The following SLC71A2 variants were observed in gnomAD, a reference collection of about 807,000 sequenced individuals.
SLC71A2 encodes solute carrier family 71 member 2.
chr9:94,449,361 G>A, the SLC71A2 span, among the ~76,000 whole-genome samples: 7 of 152,144 alleles, frequency 4.6e-5, no homozygotes, highest in African/African-American at 1.2e-4. Flanking sequence ...AATACATGTA[G>A]AACTCTTATA....
chr9:94,402,560 T>C, the SLC71A2 span, among the ~76,000 whole-genome samples: 9 of 152,222 alleles, frequency 5.9e-5, no homozygotes, highest in Non-Finnish European at 1.3e-4. Context: ...TGGGTTGTTG[T>C]ATTAGTGACT....
chr9:94,392,809 T>C, the SLC71A2 span, among the ~76,000 whole-genome samples: 1 of 151,408 alleles, frequency 6.6e-6, no homozygotes, highest in Non-Finnish European at 1.5e-5. Context: ...TAAAAGCAAT[T>C]TTAAGTTAAG....
chr9:94,425,532 G>C, the SLC71A2 span, among the ~76,000 whole-genome samples: 1 of 152,150 alleles, frequency 6.6e-6, no homozygotes, highest in South Asian at 2.1e-4. Context: ...TTCTTGAGTT[G>C]AGTCAGTTCC....
chr9:94,392,142 T>G, the SLC71A2 span, among the ~76,000 whole-genome samples: 1 of 150,886 alleles, frequency 6.6e-6, no homozygotes, highest in South Asian at 2.1e-4. Flanking sequence ...AGTTGTAGTG[T>G]CAACTGAGCC....
the SLC71A2 span, among the ~76,000 whole-genome samples, chr9:94,442,444 A>G: frequency 1.3e-5 from 2 of 152,024 alleles, no homozygotes; most frequent in African/African-American, 4.8e-5. Flanking sequence ...TGTCCCTCTC[A>G]TGTCATGCCC....
the SLC71A2 span, among the ~76,000 whole-genome samples, chr9:94,427,435 C>T: frequency 1.4e-4 from 21 of 151,642 alleles, no homozygotes; most frequent in Admixed American, 1.3e-3. Flanking sequence ...GTGTGCAACT[C>T]ATTAAGTATG....
the SLC71A2 span, among the ~76,000 whole-genome samples, chr9:94,381,690 G>T: frequency 6.6e-6 from 1 of 152,188 alleles, no homozygotes; most frequent in Non-Finnish European, 1.5e-5. Flanking sequence ...GAAACTGTTG[G>T]CTGGGCATGG....
At chr9:94,433,725 C>T in the SLC71A2 span, among the ~76,000 whole-genome samples, 1 of 152,176 alleles carries the variant, frequency 6.6e-6, no homozygotes, top group Non-Finnish European at 1.5e-5. Context: ...TCCCAATTTG[C>T]CACTCTTTTG....
the SLC71A2 span, among the ~76,000 whole-genome samples, chr9:94,407,214 CATTG>C: frequency 1.3e-5 from 2 of 151,278 alleles, no homozygotes; most frequent in African/African-American, 2.4e-5. Flanking sequence ...TGTTGTATTA[CATTG>C]ATTGGTTTTC....
the SLC71A2 span, among the ~76,000 whole-genome samples, chr9:94,406,780 T>C: frequency 2.0e-5 from 3 of 152,302 alleles, no homozygotes; most frequent in African/African-American, 4.8e-5. Flanking sequence ...TTAAATTCAT[T>C]TATTAGTTGT....
At chr9:94,389,271 G>GT in the SLC71A2 span, among the ~76,000 whole-genome samples, 33,979 of 143,868 alleles carry the variant, frequency 0.24, 4,596 homozygotes, top group African/African-American at 0.4. Context: ...CTTAATTCTG[G>GT]TTTTTTTTTT....
At chr9:94,436,350 G>T in the SLC71A2 span, among the ~76,000 whole-genome samples, 1 of 152,106 alleles carries the variant, frequency 6.6e-6, no homozygotes, top group Non-Finnish European at 1.5e-5. Context: ...GTCTACTGGG[G>T]TTACTTAACT....
At chr9:94,441,252 T>A in the SLC71A2 span, among the ~76,000 whole-genome samples, 1 of 152,186 alleles carries the variant, frequency 6.6e-6, no homozygotes, top group African/African-American at 2.4e-5. Flanking sequence ...GGTTTAATTG[T>A]CTCACAGTTC....
the SLC71A2 span, chr9:94,459,085 T>TGG: frequency 6.8e-7 from 1 of 1,459,888 alleles, no homozygotes; most frequent in Non-Finnish European, 9.4e-7. Context: ...GTGTTTTTTT[T>TGG]GGGTAATCTA....
chr9:94,435,337 C>T, the SLC71A2 span, among the ~76,000 whole-genome samples: 2 of 152,208 alleles, frequency 1.3e-5, no homozygotes, highest in Non-Finnish European at 2.9e-5. Flanking sequence ...TTCTCGTATA[C>T]TCTACCTCCT....
At chr9:94,426,917 C>T in the SLC71A2 span, among the ~76,000 whole-genome samples, 1 of 152,198 alleles carries the variant, frequency 6.6e-6, no homozygotes, top group African/African-American at 2.4e-5. Context: ...TCACTGCAGA[C>T]TTGATCTTCC....
At chr9:94,429,062 A>G in the SLC71A2 span, 1 of 1,381,980 alleles carries the variant, frequency 7.2e-7, no homozygotes, top group Admixed American at 2.8e-5. Flanking sequence ...TATTTTTTTG[A>G]ATTTTGTTGA....
chr9:94,394,923 T>G, the SLC71A2 span, among the ~76,000 whole-genome samples: 2 of 85,952 alleles, frequency 2.3e-5, no homozygotes, highest in Non-Finnish European at 5.1e-5. Context: ...TTGTTTTTTT[T>G]TTTTTTTTGA....
the SLC71A2 span, among the ~76,000 whole-genome samples, chr9:94,441,954 A>G: frequency 1.3e-5 from 2 of 152,222 alleles, no homozygotes; most frequent in African/African-American, 2.4e-5. Flanking sequence ...AGTTACTTTC[A>G]GATGTTTCAG....
Sources: allele counts gnomAD v4.1 joint callset (sites outside exome capture counted in the v4.1 genomes callset), GRCh38; gene constraint gnomAD v4.1.1; transcripts MANE v1.5; gene names NCBI Gene and HGNC (gene_info 2026-07-23, HGNC 2026-07-21).